HMCN1: variants seen among roughly 807,000 people sequenced by gnomAD.
The protein encoded by HMCN1 is hemicentin-1.
In HMCN1, 321 loss-of-function variants were observed where a neutral mutation model predicts 625.9. The observed-to-expected ratio is 0.51, with a 90% CI of 0.47 to 0.56. HMCN1 has a LOEUF of 0.56. Among genes scored for constraint, HMCN1 ranks in the 20% least tolerant of loss-of-function variants. The pLI is 0.00. For missense variants in HMCN1, 6,588 were observed against 6,887.3 expected (o/e 0.96, Z 1.54); for synonymous variants, 2,425 against 2,417.6 (o/e 1.00, Z -0.09).
intron 11 of HMCN1, among the ~76,000 whole-genome samples, chr1:185,952,938 C>T (rs1317675730): frequency 6.6e-6 from 1 of 150,944 alleles, no homozygotes; most frequent in African/African-American, 2.5e-5. Flanking sequence ...GATTGGGGCA[C>T]AGAGATAAGA....
intron 15 of HMCN1, among the ~76,000 whole-genome samples, chr1:185,975,815 A>C (rs779751799): frequency 2.3e-4 from 35 of 152,020 alleles, no homozygotes; most frequent in Non-Finnish European, 4.3e-4. Flanking sequence ...ATAAATAAAT[A>C]AGAGGGCTCT....
chr1:186,024,612 G>A (rs989047217), intron 36 of HMCN1, among the ~76,000 whole-genome samples: 4 of 152,134 alleles, frequency 2.6e-5, no homozygotes, highest in Non-Finnish European at 5.9e-5. Context: ...CATGATGTAT[G>A]TTACCTTGAG....
At chr1:186,120,922 T>C (rs887396756) in intron 80 of HMCN1, among the ~76,000 whole-genome samples, 1 of 152,208 alleles carries the variant, frequency 6.6e-6, no homozygotes, top group Non-Finnish European at 1.5e-5. Flanking sequence ...TTCTGATGTA[T>C]GCTATATAGA....
At chr1:185,800,490 C>T (rs1214762261) in intron 1 of HMCN1, among the ~76,000 whole-genome samples, 1 of 151,978 alleles carries the variant, frequency 6.6e-6, no homozygotes, top group Non-Finnish European at 1.5e-5. Flanking sequence ...CTATAATTTC[C>T]CCCTCTGTAA....
intron 57 of HMCN1, among the ~76,000 whole-genome samples, chr1:186,085,034 A>G (rs75217219): frequency 2.6e-4 from 39 of 152,242 alleles, no homozygotes; most frequent in African/African-American, 9.4e-4. Context: ...TCTGTACGCT[A>G]CCTGCACTTA....
At chr1:186,053,445 C>T (rs552579967) in intron 43 of HMCN1, among the ~76,000 whole-genome samples, 2 of 152,066 alleles carry the variant, frequency 1.3e-5, no homozygotes, top group East Asian at 3.9e-4. Flanking sequence ...TACCCCAAAC[C>T]TCAGCATCAC....
chr1:186,090,360 AAGAC>A (rs1659772993), intron 63 of HMCN1, among the ~76,000 whole-genome samples: 1 of 151,994 alleles, frequency 6.6e-6, no homozygotes, highest in African/African-American at 2.4e-5. Context: ...AAGTTTTTAT[AAGAC>A]AGAGTCTATA....
rs145896763 is a variant in HMCN1 at position 185,793,060 on chromosome 1, G to A, written c.269-52966G>A. On this transcript the variant is annotated intron_variant, in intron 1 of 106. Transcript: ENST00000271588. ...CTTCAACACCTTTTTTCTTGGTTTT[G>A]TGTAGATACATTTAGGTTACTACAG... is the stretch of plus-strand genomic sequence containing the variant. Among the ~76,000 whole-genome samples the A allele has an allele frequency of 8.5e-5, 13 of 152,140 alleles. No homozygotes were observed. In the East Asian group the frequency reaches 2.5e-3, roughly 29 times the overall value.
Position 186,081,316 on chromosome 1 carries a change from GA to G in HMCN1, c.8711del (p.Asn2904IlefsTer11). ...TATCCAGTGGCAGCCCAGCACCAAG[GA>G]ATTCCTGGCAGAAAGATGGACAGCC... ...CLSSGSPAPRNSWQKDGQPLL... is the reference protein window; with the variant it reads ...CLSSGSPAPRXSWQKDGQPLL... On this transcript the variant is annotated frameshift_variant, in exon 56 of 107. Transcript: ENST00000271588. LOFTEE classifies it high-confidence loss of function. 1 of 1,613,788 alleles carries G rather than the reference GA, an allele frequency of 6.2e-7. No homozygotes were observed. Among genetic ancestry groups the G allele is most frequent in the Non-Finnish European group, 8.5e-7 (1 of 1,179,824 alleles).
At chr1:185,941,872 A>G (rs1383155449) in intron 11 of HMCN1, among the ~76,000 whole-genome samples, 3 of 152,188 alleles carry the variant, frequency 2.0e-5, no homozygotes, top group African/African-American at 7.2e-5. Context: ...AGGAAAGACT[A>G]AAGAATTAGA....
intron 4 of HMCN1, among the ~76,000 whole-genome samples, chr1:185,869,096 C>T (rs1663449273): frequency 1.3e-5 from 2 of 152,252 alleles, no homozygotes; most frequent in Admixed American, 6.5e-5. Context: ...CTAATGAGAC[C>T]AAAGGAATTT....
intron 2 of HMCN1, among the ~76,000 whole-genome samples, chr1:185,858,747 G>A (rs924995941): frequency 4.7e-5 from 7 of 150,106 alleles, no homozygotes; most frequent in Non-Finnish European, 1.0e-4. Flanking sequence ...CACCATGCCT[G>A]GCCAGCAGTA....
At chr1:185,781,292 A>G (rs1657081368) in intron 1 of HMCN1, among the ~76,000 whole-genome samples, 1 of 152,150 alleles carries the variant, frequency 6.6e-6, no homozygotes, top group Non-Finnish European at 1.5e-5. Flanking sequence ...ATCCTTTCAA[A>G]AAACCAGCTC....
Position 186,145,931 on chromosome 1 carries a change from A to G in HMCN1, c.14608+8A>G. The G allele has an allele frequency of 2.5e-6, 4 of 1,613,696 alleles. No homozygotes were observed. The highest frequency in any genetic ancestry group is 2.5e-6 in the Non-Finnish European group (3 of 1,179,804). ...ATGTACAAGCATGTCCAGGTAAGCAACTAAATTGGACTTTGGTAGCACATT... is the reference window on the plus strand; with the variant it reads ...ATGTACAAGCATGTCCAGGTAAGCAGCTAAATTGGACTTTGGTAGCACATT... On this transcript the variant is annotated splice_region_variant and intron_variant, in intron 93 of 106. Coordinates refer to ENST00000271588, the MANE Select transcript of HMCN1 (RefSeq NM_031935.3).
At position 186,082,905 on chromosome 1, in the gene HMCN1, G is replaced by A. The variant is rs142416284; in HGVS notation, c.8828G>A (p.Cys2943Tyr). The A allele has an allele frequency of 1.3e-6, 2 of 1,596,496 alleles. No individual in the cohort carries two copies. The highest frequency in any genetic ancestry group is 1.3e-5 in the African/African-American group (1 of 74,360). ...TQITDIGRYV[C>Y]VAENTAGSAK... is the part of the protein sequence containing the mutation. ...ATAACAGATATCGGCAGGTATGTGT[G>A]TGTTGCTGAGAACACAGCTGGGAGT... is the stretch of plus-strand genomic sequence containing the variant. Residue 2943 changes from cysteine (C) to tyrosine (Y), a missense_variant, in exon 57 of 107, where the codon TGT becomes TAT. Physicochemically the swap from Cys to Tyr is radical, Grantham distance 194. Coordinates refer to ENST00000271588, the MANE Select transcript of HMCN1 (RefSeq NM_031935.3).
intron 14 of HMCN1, among the ~76,000 whole-genome samples, chr1:185,967,740 G>A (rs61829929): frequency 0.047 from 7,113 of 152,130 alleles, 212 homozygotes; most frequent in South Asian, 0.065. Context: ...CAAGACACCA[G>A]GAAGGCTGGG....
rs1045191955 is a variant in HMCN1 at position 186,094,314 on chromosome 1, C to T, written c.10235C>T (p.Thr3412Ile). Reference protein sequence around the residue: ...RAQVSDVAVYTCVASNRAGVD... With the variant: ...RAQVSDVAVYICVASNRAGVD... ...CAGGTGTCTGATGTCGCTGTGTATA[C>T]TTGTGTGGCCTCCAACAGAGCTGGG... The change falls in exon 67 of 107, where the codon ACT becomes ATT. Residue 3412 changes from threonine to isoleucine, a missense_variant. Around this residue, in one of 3 missense-constraint regions of HMCN1, gnomAD observed 4,628 missense variants for 4,853.1 expected, o/e 0.95. Transcript: ENST00000271588. The T allele has an allele frequency of 3.7e-6, 6 of 1,613,326 alleles. No homozygotes were observed. Among genetic ancestry groups the T allele is most frequent in the Non-Finnish European group, 5.1e-6 (6 of 1,179,572 alleles).
chr1:186,067,882 T>A lies in HMCN1; in HGVS notation c.7754T>A (p.Val2585Asp). The change falls in exon 50 of 107, where the codon GTC becomes GAC. Residue 2585 changes from valine to aspartate, a missense_variant. Physicochemically the swap from Val to Asp is radical, Grantham distance 152 (BLOSUM62 -3). Coordinates refer to ENST00000271588, the MANE Select transcript of HMCN1 (RefSeq NM_031935.3). ...GGTAGTGATGGCAACCCTGAAGATG[T>A]CACTGTCATCCTTAACAGCCCTACA... ...GVGSDGNPED[V>D]TVILNSPTSL... 1 of 1,613,054 alleles carries A rather than the reference T, an allele frequency of 6.2e-7. No homozygotes were observed. Among genetic ancestry groups the A allele is most frequent in the Non-Finnish European group, 8.5e-7 (1 of 1,179,060 alleles).
chr1:185,925,678 T>C (rs1270858995), intron 9 of HMCN1, among the ~76,000 whole-genome samples: 1 of 151,944 alleles, frequency 6.6e-6, no homozygotes, highest in East Asian at 1.9e-4. Context: ...GTAGGTGGAG[T>C]GGATGTAGCA....
Sources: gnomAD v4.1 joint callset for allele counts (sites outside exome capture counted in the v4.1 genomes callset) on GRCh38, gnomAD v4.1.1 for gene constraint, gnomAD v4.1.1 regional missense constraint, MANE v1.5 for transcripts, NCBI Gene and HGNC (gene_info 2026-07-23, HGNC 2026-07-21) for gene names.